OR51B5: variants seen among roughly 807,000 people sequenced by gnomAD.
OR51B5 encodes the protein olfactory receptor family 51 subfamily B member 5, also known as olfactory receptor 51B5.
For missense variants in OR51B5, 456 were observed against 374.6 expected, an observed-to-expected ratio of 1.22 and a Z score of -1.79; for synonymous variants, 186 against 144.8, an observed-to-expected ratio of 1.28 and a Z score of -2.04.
At chr11:5,443,513 T>C (rs946921014) in intron 1 of OR51B5, among the ~76,000 whole-genome samples, 1 of 130,526 alleles carries the variant, frequency 7.7e-6, no homozygotes, top group South Asian at 2.6e-4. Context: ...TCAGATCTGT[T>C]TTTTTTTTTT....
At chr11:5,351,848 T>C (rs901742929) in intron 1 of OR51B5, 8 of 1,613,844 alleles carry the variant, frequency 5.0e-6, no homozygotes, top group Non-Finnish European at 6.8e-6. Flanking sequence ...GGTGTCTTGC[T>C]TGCCATGGCT....
At chr11:5,343,533 T>C (rs779427713), upstream of OR51B5, 8 of 795,012 alleles carry the variant, frequency 1.0e-5, no homozygotes, top group African/African-American at 3.5e-5. Flanking sequence ...ATCCTGGGTT[T>C]ATATAGAAGA....
At chr11:5,458,960 G>A (rs1300262093) in intron 1 of OR51B5, among the ~76,000 whole-genome samples, 2 of 152,118 alleles carry the variant, frequency 1.3e-5, no homozygotes, top group Non-Finnish European at 2.9e-5. Flanking sequence ...TCTCTTGCTT[G>A]ACGCTCTGGC....
intron 1 of OR51B5, among the ~76,000 whole-genome samples, chr11:5,465,305 G>T (rs1438112223): frequency 6.6e-6 from 1 of 150,516 alleles, no homozygotes; most frequent in Non-Finnish European, 1.5e-5. Flanking sequence ...TCTAACTGGT[G>T]TGAGATGATA....
intron 1 of OR51B5, among the ~76,000 whole-genome samples, chr11:5,477,131 T>A (rs1243948624): frequency 6.6e-6 from 1 of 152,170 alleles, no homozygotes; most frequent in East Asian, 1.9e-4. Flanking sequence ...TGATATGGAT[T>A]GTAGTGATGG....
At chr11:5,457,119 C>T (rs933882336) in intron 1 of OR51B5, among the ~76,000 whole-genome samples, 44 of 152,264 alleles carry the variant, frequency 2.9e-4, no homozygotes, top group African/African-American at 9.9e-4. Flanking sequence ...GTTTTTTGAA[C>T]CCCATACTCT....
chr11:5,343,836 C>G (rs182677099), upstream of OR51B5, among the ~76,000 whole-genome samples: 27 of 152,238 alleles, frequency 1.8e-4, no homozygotes, highest in African/African-American at 6.5e-4. Context: ...AAACTGTTAC[C>G]CTTAACTATG....
chr11:5,367,688 C>T (rs994256092), intron 1 of OR51B5, among the ~76,000 whole-genome samples: 1 of 152,142 alleles, frequency 6.6e-6, no homozygotes, highest in Admixed American at 6.5e-5. Flanking sequence ...GCCTAACTTT[C>T]TGGGAATACA....
At chr11:5,347,597 G>T (rs1849012803), upstream of OR51B5, among the ~76,000 whole-genome samples, 2 of 152,118 alleles carry the variant, frequency 1.3e-5, no homozygotes, top group African/African-American at 4.8e-5. Context: ...TAATTCCAAA[G>T]TAGCACAGCA....
intron 1 of OR51B5, chr11:5,431,618 G>C (rs1850536312): frequency 6.5e-6 from 1 of 154,460 alleles, no homozygotes; most frequent in African/African-American, 2.4e-5. Flanking sequence ...CAACAGCAGA[G>C]ATCAGTCTTC....
At chr11:5,360,317 A>C (rs1351049607) in intron 1 of OR51B5, among the ~76,000 whole-genome samples, 1 of 152,116 alleles carries the variant, frequency 6.6e-6, no homozygotes, top group African/African-American at 2.4e-5. Flanking sequence ...AACCCCATCA[A>C]AAAGTGGGCA....
intron 1 of OR51B5, chr11:5,430,630 A>G (rs1850519228): frequency 2.3e-6 from 1 of 430,938 alleles, no homozygotes; most frequent in Non-Finnish European, 4.7e-6. Flanking sequence ...ATTTAATGAC[A>G]GTTCCTGACT....
intron 1 of OR51B5, among the ~76,000 whole-genome samples, chr11:5,442,953 T>C (rs1850713130): frequency 6.6e-6 from 1 of 152,210 alleles, no homozygotes; most frequent in South Asian, 2.1e-4. Flanking sequence ...TCCACAATTG[T>C]ATTTCTTCCT....
intron 1 of OR51B5, among the ~76,000 whole-genome samples, chr11:5,395,293 G>A (rs1849850860): frequency 6.6e-6 from 1 of 152,210 alleles, no homozygotes; most frequent in South Asian, 2.1e-4. Flanking sequence ...TGCTGGCATG[G>A]AGTGGAAGGG....
chr11:5,431,103 T>G (rs1005786056), intron 1 of OR51B5: 3 of 425,290 alleles, frequency 7.1e-6, no homozygotes, highest in Non-Finnish European at 9.5e-6. Context: ...AATAGGGCAG[T>G]TGCCTCAAAA....
chr11:5,468,585 A>G, intron 1 of OR51B5: 8 of 443,406 alleles, frequency 1.8e-5, no homozygotes, highest in South Asian at 1.3e-4. Flanking sequence ...GTACAAAGAG[A>G]CATGAACTTG....
intron 1 of OR51B5, among the ~76,000 whole-genome samples, chr11:5,490,384 TATA>T (rs1851564045): frequency 6.6e-6 from 1 of 152,208 alleles, no homozygotes; most frequent in Non-Finnish European, 1.5e-5. Context: ...ATAACAATTC[TATA>T]ATATTTTTAA....
chr11:5,404,076 T>C (rs2133744257), intron 1 of OR51B5, among the ~76,000 whole-genome samples: 1 of 149,058 alleles, frequency 6.7e-6, no homozygotes, highest in East Asian at 2.0e-4. Context: ...ACAAATCTTG[T>C]TTATTATGCA....
intron 1 of OR51B5, among the ~76,000 whole-genome samples, chr11:5,394,855 A>G (rs1307065578): frequency 2.0e-5 from 3 of 152,210 alleles, no homozygotes; most frequent in Non-Finnish European, 2.9e-5. Context: ...TTGCATTCAA[A>G]TATCTGACCC....
Sources: allele counts gnomAD v4.1 joint callset (sites outside exome capture counted in the v4.1 genomes callset), GRCh38; gene constraint gnomAD v4.1.1; transcripts MANE v1.5; gene names NCBI Gene and HGNC (gene_info 2026-07-23, HGNC 2026-07-21).